PDE9A: variants seen among roughly 807,000 people sequenced by gnomAD.
The protein encoded by PDE9A is high affinity cGMP-specific 3',5'-cyclic phosphodiesterase 9A.
Under a neutral mutation model 87.4 loss-of-function variants are expected in PDE9A, and 60 were observed. The observed-to-expected ratio is 0.69, with a 90% confidence interval of 0.56 to 0.85. The LOEUF (loss-of-function observed/expected upper bound fraction) is 0.85, where lower values mean the gene tolerates loss of function less well. Among genes scored for constraint, PDE9A ranks in the 40% least tolerant of loss-of-function variants. The pLI, the probability that PDE9A is intolerant of heterozygous loss-of-function variation, is 0.00. For missense variants in PDE9A, 665 were observed against 779.0 expected, an observed-to-expected ratio of 0.85 and a Z score of 1.74; for synonymous variants, 272 against 279.4, an observed-to-expected ratio of 0.97 and a Z score of 0.27.
At chr21:42,768,690 C>T (rs1282989852) in intron 16 of PDE9A, 3 of 985,340 alleles carry the variant, frequency 3.0e-6, no homozygotes, top group Admixed American at 6.1e-5. Context: ...GAAAACCAAG[C>T]CAGCTGAAAA....
At chr21:42,736,025 C>T (rs992089879) in intron 7 of PDE9A, among the ~76,000 whole-genome samples, 1 of 152,090 alleles carries the variant, frequency 6.6e-6, no homozygotes, top group Admixed American at 6.5e-5. Flanking sequence ...AAAAGCCACG[C>T]AGTCACTACG....
At chr21:42,655,361 G>A (rs1371188280) in intron 1 of PDE9A, among the ~76,000 whole-genome samples, 2 of 152,238 alleles carry the variant, frequency 1.3e-5, no homozygotes, top group Non-Finnish European at 1.5e-5. Context: ...TGTCCCGGGA[G>A]CAGCTCTCTT....
chr21:42,726,624 A>ATATTTTTTTTTTTTTT, intron 4 of PDE9A, among the ~76,000 whole-genome samples: 2 of 19,780 alleles, frequency 1.0e-4, no homozygotes, highest in African/African-American at 6.8e-4. Context: ...ATATATATAT[A>ATATTTTTTTTTTTTTT]TTTTTTTTTT....
intron 13 of PDE9A, 104 bp downstream of exon 13, chr21:42,761,011 ACGACGGCCTCC>A (rs1431643885): frequency 6.5e-6 from 5 of 770,550 alleles, no homozygotes; most frequent in Non-Finnish European, 1.1e-5. Context: ...GGAGCTGTCA[ACGACGGCCTCC>A]CAGCCCCCAA....
intron 2 of PDE9A, among the ~76,000 whole-genome samples, chr21:42,687,526 T>C (rs1361021627): frequency 6.6e-6 from 1 of 152,092 alleles, no homozygotes; most frequent in African/African-American, 2.4e-5. Context: ...AGGAGAGACT[T>C]GCGCAGTTCA....
At position 42,698,975 on chromosome 21, in the gene PDE9A, T is replaced by C. The variant is rs767252939; in HGVS notation, c.226T>C (p.Tyr76His). The C allele has an allele frequency of 1.9e-6, 3 of 1,613,230 alleles. No homozygotes were observed. The East Asian group carries it at 6.7e-5, about 36-fold the overall frequency. The stretch of plus-strand genomic sequence containing the variant: ...CTGTCTTCTCTTTTGCAGCACTCCG[T>C]ACAAAGTGAGACCTGTGGCCATCAA... Reference protein sequence around the residue: ...TMPANSERTPYKVRPVAIKQL... With the variant: ...TMPANSERTPHKVRPVAIKQL... The change falls in exon 4 of 20, where the codon TAC becomes CAC. Residue 76 changes from tyrosine (Y) to histidine (H), a missense_variant. Transcript: ENST00000291539.
intron 18 of PDE9A, among the ~76,000 whole-genome samples, chr21:42,772,039 A>G (rs1246362788): frequency 6.6e-6 from 1 of 151,950 alleles, no homozygotes; most frequent in Non-Finnish European, 1.5e-5. Flanking sequence ...TTGAGTCTCT[A>G]GTCCTGAGCC....
chr21:42,692,266 C>T lies in PDE9A; in HGVS notation c.218+4272C>T, dbSNP rs555748649. Among the ~76,000 whole-genome samples the T allele has an allele frequency of 2.0e-4, 30 of 152,146 alleles. No individual in the cohort carries two copies. Among genetic ancestry groups the T allele is most frequent in the African/African-American group, 2.7e-4 (11 of 41,498 alleles). ...CCAGAGCAGTTTTTTCTTCTGGGGA[C>T]GCAGGGCAACGTCTGGAGACATTTC... On this transcript the variant is annotated intron_variant, in intron 3 of 19. Transcript: ENST00000291539. This position sits in a 1 kb window ranked among gnomAD's most constrained non-coding sequence, Gnocchi z 4.3.
At chr21:42,732,952 C>A (rs1163306623) in intron 6 of PDE9A, among the ~76,000 whole-genome samples, 2 of 152,164 alleles carry the variant, frequency 1.3e-5, no homozygotes, top group Non-Finnish European at 2.9e-5. Flanking sequence ...AATTGTTTAA[C>A]TGACTGGGTT....
chr21:42,740,040 T>C (rs2052948150), intron 7 of PDE9A, among the ~76,000 whole-genome samples: 2 of 151,968 alleles, frequency 1.3e-5, no homozygotes, highest in South Asian at 4.1e-4. Flanking sequence ...AAATTAATAA[T>C]AGATATATAG....
At position 42,675,985 on chromosome 21, in the gene PDE9A, T is replaced by C. The variant is rs143349851; in HGVS notation, c.70-10207T>C. On this transcript the variant is annotated intron_variant, in intron 1 of 19. Coordinates refer to ENST00000291539, the MANE Select transcript of PDE9A (RefSeq NM_002606.3). This position sits in a 1 kb window ranked among gnomAD's most constrained non-coding sequence, Gnocchi z 4.3. ...CATCCCCTTGGTGCTATCCTTGAGA[T>C]AGTGAATTCTTGCAAGATCTGGTTG... 1.8e-4 allele frequency among the ~76,000 whole-genome samples: 28 copies of C among 152,300 alleles called. No homozygotes were observed. The highest frequency in any genetic ancestry group is 3.3e-4 in the Admixed American group (5 of 15,302).
In PDE9A at chr21:42,758,844, C is replaced by G. The variant is rs528573374; in HGVS notation, c.811-155C>G. The stretch of plus-strand genomic sequence containing the variant: ...GACCTCTCTTCCCATGTCTGCCGAC[C>G]AGGCTTTGCTCTCCAGGGACTTTCT... On this transcript the variant is annotated intron_variant, in intron 10 of 19. Transcript: ENST00000291539. 8.4e-6 allele frequency: 5 copies of G among 595,166 alleles called. No individual in the cohort carries two copies. The South Asian group carries it at 9.8e-5, about 12-fold the overall frequency. 36.9% of individuals were successfully genotyped at this position (595,166 alleles called of 1,614,324 possible). A position where few individuals can be genotyped will look rare whatever the true frequency, so the allele number is the denominator to read the frequency against.
chr21:42,666,926 C>T (rs1326831442), intron 1 of PDE9A, among the ~76,000 whole-genome samples: 1 of 152,194 alleles, frequency 6.6e-6, no homozygotes, highest in Non-Finnish European at 1.5e-5. Context: ...AAGAGAGCAT[C>T]GCAGCCCAAA....
At chr21:42,670,155 A>G (rs530966047) in intron 1 of PDE9A, among the ~76,000 whole-genome samples, 1 of 143,362 alleles carries the variant, frequency 7.0e-6, no homozygotes, top group African/African-American at 2.5e-5. Flanking sequence ...ACACATTCAC[A>G]CGCACACACA....
intron 4 of PDE9A, among the ~76,000 whole-genome samples, chr21:42,720,442 C>T (rs536433666): frequency 2.1e-4 from 32 of 150,748 alleles, no homozygotes; most frequent in South Asian, 6.3e-4. Flanking sequence ...TGCGGTGAGC[C>T]GAGATCATGC....
At chr21:42,717,359 C>A (rs951995646) in intron 4 of PDE9A, among the ~76,000 whole-genome samples, 2 of 112,950 alleles carry the variant, frequency 1.8e-5, no homozygotes, top group African/African-American at 6.9e-5. Flanking sequence ...AGTGTACAAT[C>A]AGTTCACTGC....
intron 14 of PDE9A, among the ~76,000 whole-genome samples, chr21:42,763,390 A>G (rs991718081): frequency 1.4e-5 from 2 of 145,868 alleles, no homozygotes; most frequent in Admixed American, 1.4e-4. Flanking sequence ...GAGGAGACAG[A>G]GTAGAAAACA....
At chr21:42,774,033 C>G (rs538663763) in intron 19 of PDE9A, among the ~76,000 whole-genome samples, 11 of 151,890 alleles carry the variant, frequency 7.2e-5, no homozygotes, top group African/African-American at 9.7e-5. Context: ...GAGCCAAGAT[C>G]GTGCCACTGC....
intron 3 of PDE9A, among the ~76,000 whole-genome samples, chr21:42,690,806 C>G (rs1569154572): frequency 6.6e-6 from 1 of 152,150 alleles, no homozygotes. Context: ...CAACTTACCC[C>G]TGTACCCACG....
Sources: gnomAD v4.1 joint callset for allele counts (sites outside exome capture counted in the v4.1 genomes callset) on GRCh38, gnomAD v4.1.1 for gene constraint, Gnocchi (gnomAD v3.1) non-coding constraint, MANE v1.5 for transcripts, NCBI Gene and HGNC (gene_info 2026-07-23, HGNC 2026-07-21) for gene names.